The following PARP4 variants were observed in gnomAD, a reference collection of about 807,000 sequenced individuals.
PARP4 encodes the protein poly(ADP-ribose) polymerase family member 4.
Under a neutral mutation model 187.7 loss-of-function variants are expected in PARP4, and 120 were observed. The ratio of observed to expected loss-of-function variants is 0.64; its 90% CI spans 0.55 to 0.74. The LOEUF (loss-of-function observed/expected upper bound fraction) is 0.74, where lower values mean the gene tolerates loss of function less well. Among genes scored for constraint, PARP4 ranks in the 30% least tolerant of loss-of-function variants. The pLI is 0.00. For missense variants in PARP4, 1,836 were observed against 2,070.5 expected, an observed-to-expected ratio of 0.89 and a Z score of 2.20; for synonymous variants, 654 against 740.9, an observed-to-expected ratio of 0.88 and a Z score of 1.90.
At chr13:24,460,876 A>AG (rs1429152622) in intron 17 of PARP4, among the ~76,000 whole-genome samples, 1 of 152,136 alleles carries the variant, frequency 6.6e-6, no homozygotes, top group East Asian at 1.9e-4. Flanking sequence ...GGGGTTGCCC[A>AG]GGCTGGTCTC....
At position 24,456,623 on chromosome 13, in the gene PARP4, A is replaced by G. The variant is rs182987913; in HGVS notation, c.2425-145T>C. 3.8e-4 allele frequency: 261 copies of G among 684,680 alleles called. No individual in the cohort carries two copies. In the African/African-American group the frequency reaches 4.3e-3, roughly 11 times the overall value. The allele number at this position is 684,680 out of a possible 1,614,324, so 42.4% of individuals were successfully genotyped here. ...CAAAGTAGTGGTAAATTCCAAAATA[A>G]TGAAATGTAGGCCGGGTGCAGTGGC... On this transcript the variant is annotated intron_variant, in intron 20 of 33. Transcript: ENST00000381989.
At chr13:24,437,694 T>C (rs1019713995) in intron 30 of PARP4, among the ~76,000 whole-genome samples, 10 of 152,020 alleles carry the variant, frequency 6.6e-5, no homozygotes, top group Non-Finnish European at 8.8e-5. Context: ...GATCAAAAAA[T>C]TGATTAAGTC....
Position 24,501,687 on chromosome 13 carries a change from G to A in PARP4, c.280C>T (p.Pro94Ser). Residue 94 changes from proline (P) to serine (S), a missense_variant, in exon 3 of 34, where the codon CCT becomes TCT. By Grantham distance (74) the Pro-to-Ser change is moderately conservative. Coordinates refer to ENST00000381989, the MANE Select transcript of PARP4 (RefSeq NM_006437.4). ...KRLLDVKNYDPYKPLDITPPP... is the reference protein window; with the variant it reads ...KRLLDVKNYDSYKPLDITPPP... ...GGTGTGATGTCCAGGGGCTTATAAG[G>A]ATCATAATTCTTTACATCCAAGAGT... 1.9e-6 allele frequency: 3 copies of A among 1,613,374 alleles called. No individual in the cohort carries two copies. Among genetic ancestry groups the A allele is most frequent in the East Asian group, 2.2e-5 (1 of 44,862 alleles).
rs539787630 is a variant in PARP4, at chr13:24,461,691, G to A, written c.2134-1555C>T. On this transcript the variant is annotated intron_variant, in intron 17 of 33. Transcript: ENST00000381989. Reference sequence around the variant, plus strand: ...AGGAGACCAAGGGGAGCACCTCTCCGTGGAGCAGGTGTGTGGGAGGTGCTG... The same window carrying A: ...AGGAGACCAAGGGGAGCACCTCTCCATGGAGCAGGTGTGTGGGAGGTGCTG... 1.2e-4 allele frequency among the ~76,000 whole-genome samples: 18 copies of A among 152,320 alleles called. No homozygotes were observed. The East Asian group carries it at 2.9e-3, about 25-fold the overall frequency.
intron 25 of PARP4, among the ~76,000 whole-genome samples, chr13:24,448,591 T>C (rs1342884960): frequency 6.6e-6 from 1 of 152,012 alleles, no homozygotes; most frequent in Non-Finnish European, 1.5e-5. Context: ...AAACATAAAA[T>C]GAGCATATGA....
intron 15 of PARP4, among the ~76,000 whole-genome samples, chr13:24,473,911 T>A (rs1872847395): frequency 6.6e-6 from 1 of 152,118 alleles, no homozygotes; most frequent in African/African-American, 2.4e-5. Flanking sequence ...CCCCTACGTC[T>A]CCACGTTGGC....
At chr13:24,467,946 T>G (rs577542476) in intron 17 of PARP4, among the ~76,000 whole-genome samples, 3 of 152,310 alleles carry the variant, frequency 2.0e-5, no homozygotes, top group Non-Finnish European at 4.4e-5. Context: ...ACCTCTTCAT[T>G]ACTTATTCCC....
intron 10 of PARP4, 151 bp from the exon 11 acceptor site, chr13:24,486,456 TGTAG>T: frequency 1.7e-6 from 1 of 581,262 alleles, no homozygotes; most frequent in Non-Finnish European, 3.1e-6. Flanking sequence ...GGAAGTATTA[TGTAG>T]GTATTAAAAT....
Position 24,434,984 on chromosome 13 carries a change from C to G in PARP4, c.4157G>C (p.Gly1386Ala). The G allele has an allele frequency of 6.2e-7, 1 of 1,613,858 alleles. No individual in the cohort carries two copies. The highest frequency in any genetic ancestry group is 2.2e-5 in the East Asian group (1 of 44,872). ...TGAAGAAGGTGGGTTCTGGGGAGGT[C>G]CTGTGGGACAAGACGCCGACTGTGG... is the stretch of plus-strand genomic sequence containing the variant. ...WIPQSASCPT[G>A]PPQNPPSSPY... Residue 1386 changes from glycine to alanine, a missense_variant, in exon 31 of 34, where the codon GGA becomes GCA. Gly to Ala is a moderately conservative substitution (Grantham distance 60). Transcript: ENST00000381989.
chr13:24,489,480 C>A (rs1268689531), intron 10 of PARP4, among the ~76,000 whole-genome samples: 3 of 152,024 alleles, frequency 2.0e-5, no homozygotes. Context: ...TGGTGGCGTG[C>A]GTCTATAGTC....
intron 17 of PARP4, among the ~76,000 whole-genome samples, chr13:24,466,647 T>C (rs879910886): frequency 2.8e-4 from 43 of 151,854 alleles, no homozygotes; most frequent in Admixed American, 3.9e-4. Flanking sequence ...ATACAAAAAT[T>C]AGCTGGGTGT....
At chr13:24,509,217 T>C (rs1257032099) in intron 1 of PARP4, among the ~76,000 whole-genome samples, 1 of 152,198 alleles carries the variant, frequency 6.6e-6, no homozygotes, top group African/African-American at 2.4e-5. Context: ...TTAAAAATTA[T>C]TGAATTAGGC....
Position 24,429,492 on chromosome 13 carries a change from C to T in PARP4, c.4846+1885G>A, listed in dbSNP as rs185976291. Among the ~76,000 whole-genome samples, 24 of 152,264 alleles carry T rather than the reference C, an allele frequency of 1.6e-4. No homozygotes were observed. The East Asian group carries it at 4.6e-3, about 29-fold the overall frequency. On this transcript the variant is annotated intron_variant, in intron 32 of 33. Transcript: ENST00000381989. ...TTTGTTCTGGTAGGTCCTGTGTAGG[C>T]TTTGTTTTAGGCTTTATTAGGATGG...
intron 2 of PARP4, among the ~76,000 whole-genome samples, chr13:24,502,680 C>A (rs774037550): frequency 5.6e-4 from 86 of 152,342 alleles, no homozygotes; most frequent in Non-Finnish European, 9.8e-4. Context: ...CAGTATGTGA[C>A]TTTCTAAAAA....
chr13:24,426,318 A>G (rs4769353), intron 33 of PARP4, 148 bp downstream of exon 33: 232,984 of 625,388 alleles, frequency 0.37, 45,510 homozygotes, highest in African/African-American at 0.56. Flanking sequence ...ACAGGAGACT[A>G]TGGGCAAGCT....
intron 30 of PARP4, among the ~76,000 whole-genome samples, chr13:24,437,868 T>C (rs1413104055): frequency 9.0e-6 from 1 of 111,552 alleles, no homozygotes; most frequent in Non-Finnish European, 1.9e-5. Context: ...AAAAGAATCA[T>C]ACTGAGAAAT....
chr13:24,492,366 C>G (rs1278703764), intron 9 of PARP4, 55 bp downstream of exon 9: 26 of 1,237,298 alleles, frequency 2.1e-5, no homozygotes, highest in Non-Finnish European at 2.4e-5. Flanking sequence ...TTTCTAAAGA[C>G]CCCCACCCTC....
At chr13:24,455,488 T>TATATATATATATATATAG in intron 21 of PARP4, among the ~76,000 whole-genome samples, 1 of 136,762 alleles carries the variant, frequency 7.3e-6, no homozygotes, top group Non-Finnish European at 1.6e-5. Context: ...CAAATATATA[T>TATATATATATATATATAG]ATATATATAT....
At chr13:24,436,406 T>C (rs2033955) in intron 30 of PARP4, among the ~76,000 whole-genome samples, 60,117 of 151,820 alleles carry the variant, frequency 0.4, 12,100 homozygotes, top group African/African-American at 0.46. Context: ...TGGGCTCAAG[T>C]GATCCTCTCG....
Sources: allele counts gnomAD v4.1 joint callset (sites outside exome capture counted in the v4.1 genomes callset), GRCh38; gene constraint gnomAD v4.1.1; transcripts MANE v1.5; gene names NCBI Gene and HGNC (gene_info 2026-07-23, HGNC 2026-07-21).